Variants in PTPMT1 observed in about 807,000 individuals in gnomAD.
The protein encoded by PTPMT1 is protein tyrosine phosphatase mitochondrial 1.
Under a neutral mutation model 17.8 loss-of-function variants are expected in PTPMT1, and 12 were observed. The observed-to-expected ratio is 0.67, with a 90% CI of 0.43 to 1.09. The LOEUF is 1.09. PTPMT1 is among the 50% of genes least tolerant of loss of function. The probability of loss-of-function intolerance (pLI) is 0.00; values close to 1 mark genes in which losing one functional copy is unlikely to be tolerated. For missense variants in PTPMT1, 262 were observed against 266.0 expected, an observed-to-expected ratio of 0.99 and a Z score of 0.10; for synonymous variants, 132 against 116.8, an observed-to-expected ratio of 1.13 and a Z score of -0.84.
intron 2 of PTPMT1, among the ~76,000 whole-genome samples, chr11:47,566,489 C>A (rs80161671): frequency 4.8e-3 from 573 of 120,218 alleles, no homozygotes; most frequent in Admixed American, 5.6e-3. Context: ...AACAATGTCT[C>A]AAAAAAAAAA....
At chr11:47,569,296 G>C (rs1206777569) in intron 2 of PTPMT1, among the ~76,000 whole-genome samples, 2 of 149,502 alleles carry the variant, frequency 1.3e-5, no homozygotes, top group Non-Finnish European at 3.0e-5. Flanking sequence ...TGAGGCAGGA[G>C]AATCGCTTGA....
intron 2 of PTPMT1, among the ~76,000 whole-genome samples, chr11:47,568,754 C>T (rs1051624880): frequency 6.6e-6 from 1 of 151,942 alleles, no homozygotes; most frequent in Non-Finnish European, 1.5e-5. Context: ...TACAATGGTG[C>T]GATCTCTGCT....
chr11:47,567,494 G>A (rs1565926784), intron 2 of PTPMT1, among the ~76,000 whole-genome samples: 1 of 151,692 alleles, frequency 6.6e-6, no homozygotes, highest in African/African-American at 2.4e-5. Context: ...AGTAGCTGGA[G>A]CATATCTGAA....
chr11:47,569,886 A>G lies in PTPMT1; in HGVS notation c.442A>G (p.Ile148Val), dbSNP rs1287214674. The change falls in exon 3 of 4, where the codon ATT (isoleucine) becomes GTT (valine). Residue 148 changes from isoleucine (I) to valine (V), a missense_variant. By Grantham distance (29) the Ile-to-Val change is conservative. Coordinates refer to ENST00000326674, the MANE Select transcript of PTPMT1 (RefSeq NM_175732.3). ...RSATMVAAYL[I>V]QVHKWSPEEA... ...TGCCACTATGGTGGCAGCATACCTGATTCAGGTACCAAAGTTCTTTCTGGG... is the reference window on the plus strand; with the variant it reads ...TGCCACTATGGTGGCAGCATACCTGGTTCAGGTACCAAAGTTCTTTCTGGG... 6.2e-7 allele frequency: 1 copy of G among 1,611,470 alleles called. No individual in the cohort carries two copies. Among genetic ancestry groups the G allele is most frequent in the Non-Finnish European group, 8.5e-7 (1 of 1,179,210 alleles).
chr11:47,573,373 C>T lies in PTPMT1; in HGVS notation c.*1744C>T. Reference sequence around the variant, plus strand: ...ATGATCCCGTTGAGGTTGGCACCAGCAGCCCCTGACACAGCCACCTCTAGC... The same window carrying T: ...ATGATCCCGTTGAGGTTGGCACCAGTAGCCCCTGACACAGCCACCTCTAGC... On this transcript the variant is annotated 3_prime_UTR_variant, in exon 4 of 4. Transcript: ENST00000326674. This position sits in a 1 kb window ranked among gnomAD's most constrained non-coding sequence, Gnocchi z 4.1. The T allele has an allele frequency of 6.2e-7, 1 of 1,614,200 alleles. No homozygotes were observed. The highest frequency in any genetic ancestry group is 8.5e-7 in the Non-Finnish European group (1 of 1,180,040).
intron 3 of PTPMT1, 88 bp downstream of exon 3, chr11:47,569,979 GC>G: frequency 8.9e-7 from 1 of 1,121,784 alleles, no homozygotes; most frequent in Non-Finnish European, 1.3e-6. Flanking sequence ...GATGGCTTGA[GC>G]CCAGGAGTTT....
At chr11:47,568,064 C>T (rs1328235571) in intron 2 of PTPMT1, among the ~76,000 whole-genome samples, 6 of 151,910 alleles carry the variant, frequency 3.9e-5, no homozygotes, top group Middle Eastern at 3.4e-3. Context: ...GGACTACAGG[C>T]GCCTGCCACC....
At position 47,572,923 on chromosome 11, in the gene PTPMT1, C is replaced by T. The variant is rs957978853; in HGVS notation, c.*1294C>T. ...GAGTGAGCAGTTCTCCTCCCCTCCC[C>T]ACAGCCTTAGGCCAACACAAACTGC... On this transcript the variant is annotated 3_prime_UTR_variant, in exon 4 of 4. Transcript: ENST00000326674. 24 of 1,606,034 alleles carry T rather than the reference C, an allele frequency of 1.5e-5. No individual in the cohort carries two copies. Among genetic ancestry groups the T allele is most frequent in the Non-Finnish European group, 1.9e-5 (22 of 1,174,358 alleles).
In PTPMT1 at chr11:47,571,596, A is replaced by G; in HGVS notation, c.573A>G (p.Thr191=). The G allele has an allele frequency of 1.2e-6, 2 of 1,614,058 alleles. No homozygotes were observed. The highest frequency in any genetic ancestry group is 1.7e-6 in the Non-Finnish European group (2 of 1,180,014). Residue 191 remains threonine (T), a synonymous_variant, in exon 4 of 4, where the codon ACA becomes ACG. Coordinates refer to ENST00000326674, the MANE Select transcript of PTPMT1 (RefSeq NM_175732.3). ...ACAAGCAGATTACTGCACGGGCAAC[A>G]AAGGATGGGACTTTTGTCATTTCAA... The part of the protein sequence containing the change: ...EFHKQITARA[T]KDGTFVISKT
chr11:47,565,932 G>T lies in PTPMT1; in HGVS notation c.201G>T (p.Gly67=). 1 of 1,610,806 alleles carries T rather than the reference G, an allele frequency of 6.2e-7. No homozygotes were observed. Among genetic ancestry groups the T allele is most frequent in the Non-Finnish European group, 8.5e-7 (1 of 1,178,820 alleles). The change falls in exon 2 of 4, where the codon GGG becomes GGT. Residue 67 remains glycine (G), a synonymous_variant. Coordinates refer to ENST00000326674, the MANE Select transcript of PTPMT1 (RefSeq NM_175732.3). ...RQLVQDENVR[G]VITMNEEYET... ...TGGTACAGGACGAGAACGTGCGCGG[G>T]GTGATCACCATGAACGAGGAGTACG...
Position 47,572,627 on chromosome 11 carries a change from A to G in PTPMT1, c.*998A>G, listed in dbSNP as rs1056618104. ...TGCTTACATTTAACATTGATCAGGTAAAGAGGAGAGGCTGTGCCTAAGGTC... is the reference window on the plus strand; with the variant it reads ...TGCTTACATTTAACATTGATCAGGTGAAGAGGAGAGGCTGTGCCTAAGGTC... On this transcript the variant is annotated 3_prime_UTR_variant, in exon 4 of 4. Transcript: ENST00000326674. The G allele has an allele frequency of 7.7e-6, 3 of 390,822 alleles. No homozygotes were observed. Among genetic ancestry groups the G allele is most frequent in the African/African-American group, 6.0e-5 (3 of 49,778 alleles). 24.2% of individuals were successfully genotyped at this position (390,822 alleles called of 1,614,324 possible).
At chr11:47,569,334 T>C (rs2097248172) in intron 2 of PTPMT1, among the ~76,000 whole-genome samples, 2 of 144,912 alleles carry the variant, frequency 1.4e-5, no homozygotes, top group Non-Finnish European at 1.5e-5. Context: ...TGTGGTGAGC[T>C]GAGATCACGC....
rs1050669793 is a variant in PTPMT1 at position 47,572,703 on chromosome 11, G to C, written c.*1074G>C. 3.5e-6 allele frequency: 2 copies of C among 565,666 alleles called. No individual in the cohort carries two copies. Among genetic ancestry groups the C allele is most frequent in the African/African-American group, 3.7e-5 (2 of 53,436 alleles). The allele number at this position is 565,666 out of a possible 1,614,324, so 35.0% of individuals were successfully genotyped here. A position where few individuals can be genotyped will look rare whatever the true frequency, so the allele number is the denominator to read the frequency against. The stretch of plus-strand genomic sequence containing the variant: ...CTGTGGTGAGGCACAGGATGACTAG[G>C]GAATGGCAGAGAACAGGCTGGCCTA... On this transcript the variant is annotated 3_prime_UTR_variant, in exon 4 of 4. Coordinates refer to ENST00000326674, the MANE Select transcript of PTPMT1 (RefSeq NM_175732.3).
intron 3 of PTPMT1, 108 bp downstream of exon 3, chr11:47,569,999 C>A: frequency 1.2e-6 from 1 of 866,110 alleles, no homozygotes; most frequent in Non-Finnish European, 1.8e-6. Flanking sequence ...TTGAGACCAG[C>A]CTGGGCAACA....
intron 2 of PTPMT1, among the ~76,000 whole-genome samples, chr11:47,566,489 C>CAA (rs56146877): frequency 0.043 from 5,217 of 120,346 alleles, 165 homozygotes; most frequent in African/African-American, 0.089. Context: ...AACAATGTCT[C>CAA]AAAAAAAAAA....
intron 2 of PTPMT1, among the ~76,000 whole-genome samples, chr11:47,568,086 AT>A (rs1565927022): frequency 6.6e-6 from 1 of 151,448 alleles, no homozygotes. Flanking sequence ...TGCCCGGCTA[AT>A]TTTTTTGTAT....
rs1011500338 is a variant in PTPMT1 at position 47,569,634 on chromosome 11, C to T, written c.256-66C>T. On this transcript the variant is annotated intron_variant, in intron 2 of 3. Coordinates refer to ENST00000326674, the MANE Select transcript of PTPMT1 (RefSeq NM_175732.3). ...TGTTGCTTTGCTGCTTCTTGGGAGC[C>T]CCTTATCATCCCACCCACATAGTTT... 4 of 1,291,288 alleles carry T rather than the reference C, an allele frequency of 3.1e-6. No individual in the cohort carries two copies. The African/African-American group carries it at 5.9e-5, about 19-fold the overall frequency. The allele number at this position is 1,291,288 out of a possible 1,614,324, so 80.0% of individuals were successfully genotyped here.
chr11:47,567,559 C>CTTTTTTTTTTTT (rs370022255), intron 2 of PTPMT1, among the ~76,000 whole-genome samples: 53 of 116,152 alleles, frequency 4.6e-4, no homozygotes, highest in Non-Finnish European at 6.9e-4. Context: ...TATTTCTTTT[C>CTTTTTTTTTTTT]TTTTTTTTTT....
Position 47,572,977 on chromosome 11 carries a change from T to C in PTPMT1, c.*1348T>C, listed in dbSNP as rs1019247549. 1.2e-6 allele frequency: 2 copies of C among 1,614,190 alleles called. No individual in the cohort carries two copies. The highest frequency in any genetic ancestry group is 1.3e-5 in the African/African-American group (1 of 75,052). ...TTGGTAAGCAGCACCTTAATACCTC[T>C]TGTGACAGTTACGGCTGAAGTGGCA... On this transcript the variant is annotated 3_prime_UTR_variant, in exon 4 of 4. Coordinates refer to ENST00000326674, the MANE Select transcript of PTPMT1 (RefSeq NM_175732.3).
Sources: gnomAD v4.1 joint callset for allele counts (sites outside exome capture counted in the v4.1 genomes callset) on GRCh38, gnomAD v4.1.1 for gene constraint, Gnocchi (gnomAD v3.1) non-coding constraint, MANE v1.5 for transcripts, NCBI Gene and HGNC (gene_info 2026-07-23, HGNC 2026-07-21) for gene names.